Variants in MTMR9 observed in about 807,000 individuals in gnomAD.
MTMR9 encodes the protein myotubularin-related protein 9.
A neutral mutation model predicts 69.5 loss-of-function variants in MTMR9; 39 were observed. The observed-to-expected ratio is 0.56, with a 90% confidence interval of 0.43 to 0.73. The LOEUF is 0.73. Ranked by LOEUF, MTMR9 falls within the 30% of genes least tolerant of loss-of-function variation. The pLI, the probability that MTMR9 is intolerant of heterozygous loss-of-function variation, is 0.00. For synonymous variants in MTMR9, 354 were observed against 240.8 expected (o/e 1.47, Z -4.35); for missense variants, 900 against 671.2 (o/e 1.34, Z -3.77).
At chr8:11,291,249 C>A (rs908257625) in intron 1 of MTMR9, among the ~76,000 whole-genome samples, 3 of 152,100 alleles carry the variant, frequency 2.0e-5, no homozygotes, top group African/African-American at 7.2e-5. Flanking sequence ...TTATTCAGAT[C>A]TTCCTTTAAG....
intron 2 of MTMR9, among the ~76,000 whole-genome samples, chr8:11,298,549 T>C (rs916188008): frequency 1.3e-5 from 2 of 152,114 alleles, no homozygotes; most frequent in Admixed American, 6.5e-5. Context: ...CGGTCTACTA[T>C]TGAATAGTCA....
the MTMR9 span, among the ~76,000 whole-genome samples, chr8:11,339,248 T>C: frequency 3.9e-5 from 6 of 152,262 alleles, no homozygotes; most frequent in East Asian, 1.2e-3. Context: ...GCCCAGATGT[T>C]GCACCTTTAC....
At chr8:11,312,761 C>G (rs1800253817) in intron 6 of MTMR9, among the ~76,000 whole-genome samples, 1 of 152,170 alleles carries the variant, frequency 6.6e-6, no homozygotes, top group Non-Finnish European at 1.5e-5. Context: ...GAATCACTAG[C>G]TAGGGTAGCT....
At chr8:11,302,281 GAC>G (rs1799774650) in intron 3 of MTMR9, among the ~76,000 whole-genome samples, 15 of 53,868 alleles carry the variant, frequency 2.8e-4, no homozygotes, top group African/African-American at 1.1e-3. Flanking sequence ...AAAAGAGGAA[GAC>G]AAAAAAAAAA....
In MTMR9 at chr8:11,323,634, C is replaced by A. The variant is rs1439500559; in HGVS notation, c.*846C>A. ...ATAGAGTTAATTTATTATAATCAAGCTACAAATAGGTTTTCTTAAACCAGA... is the reference window on the plus strand; with the variant it reads ...ATAGAGTTAATTTATTATAATCAAGATACAAATAGGTTTTCTTAAACCAGA... On this transcript the variant is annotated 3_prime_UTR_variant, in exon 10 of 10. Coordinates refer to ENST00000221086, the MANE Select transcript of MTMR9 (RefSeq NM_015458.4). 2.0e-5 allele frequency: 3 copies of A among 152,162 alleles called. No homozygotes were observed. The highest frequency in any genetic ancestry group is 2.9e-5 in the Non-Finnish European group (2 of 68,030). 9.4% of individuals were successfully genotyped at this position (152,162 alleles called of 1,614,324 possible). A position where few individuals can be genotyped will look rare whatever the true frequency, so the allele number is the denominator to read the frequency against.
rs778821710 is a variant in MTMR9, at chr8:11,309,666, C to T, written c.949C>T (p.Leu317=). ...CAAAGAGATTCTGACAACTGCCTGCCTAGCGGCTCAGTGCATCGACAGGTA... is the reference window on the plus strand; with the variant it reads ...CAAAGAGATTCTGACAACTGCCTGCTTAGCGGCTCAGTGCATCGACAGGTA... ...HIKEILTTAC[L]AAQCIDREGA... is the part of the protein sequence containing the mutation. Residue 317 remains leucine, a synonymous_variant, in exon 6 of 10, where the codon CTA becomes TTA. Transcript: ENST00000221086. The T allele has an allele frequency of 1.9e-6, 3 of 1,613,914 alleles. No individual in the cohort carries two copies. Among genetic ancestry groups the T allele is most frequent in the South Asian group, 2.2e-5 (2 of 91,070 alleles).
At chr8:11,291,223 A>T (rs1375379322) in intron 1 of MTMR9, among the ~76,000 whole-genome samples, 1 of 152,156 alleles carries the variant, frequency 6.6e-6, no homozygotes, top group Non-Finnish European at 1.5e-5. Context: ...GACATCCATG[A>T]ACAATGTTAC....
chr8:11,314,807 A>C (rs1380136709), intron 6 of MTMR9, 116 bp from the exon 7 acceptor site: 1 of 949,710 alleles, frequency 1.1e-6, no homozygotes, highest in African/African-American at 1.6e-5. Flanking sequence ...CAATACACTA[A>C]ATAAACTGAA....
At chr8:11,321,300 G>C in intron 9 of MTMR9, 2 of 390,448 alleles carry the variant, frequency 5.1e-6, no homozygotes, top group South Asian at 3.8e-5. Flanking sequence ...TTTCGTGATT[G>C]TCGTCACAGT....
At position 11,285,669 on chromosome 8, in the gene MTMR9, A is replaced by T. The variant is rs1236981758; in HGVS notation, c.182+599A>T. Among the ~76,000 whole-genome samples, 3 of 152,154 alleles carry T rather than the reference A, an allele frequency of 2.0e-5. No homozygotes were observed. The East Asian group carries it at 5.8e-4, about 29-fold the overall frequency. Reference sequence around the variant, plus strand: ...AAGAACAGGGTTGGCTCTCAAGGAAAGGCATGGACCAGTTAACCTCTTTTT... The same window carrying T: ...AAGAACAGGGTTGGCTCTCAAGGAATGGCATGGACCAGTTAACCTCTTTTT... On this transcript the variant is annotated intron_variant, in intron 1 of 9. Transcript: ENST00000221086.
At position 11,298,720 on chromosome 8, in the gene MTMR9, A is replaced by ATG. The variant is rs1554501123; in HGVS notation, c.292-1303_292-1302insTG. On this transcript the variant is annotated intron_variant, in intron 2 of 9. Transcript: ENST00000221086. Reference sequence around the variant, plus strand: ...TGATATGGTATCCTTTCCCCGCTGCACCCCCCCCCCGCCATCCAGTATAGA... The same window carrying ATG: ...TGATATGGTATCCTTTCCCCGCTGCATGCCCCCCCCCCGCCATCCAGTATAGA... The ATG allele has an allele frequency of 1.2e-5, 9 of 728,016 alleles. No homozygotes were observed. In the Admixed American group the frequency reaches 3.8e-4, roughly 30 times the overall value. The allele number at this position is 728,016 out of a possible 1,614,324, so 45.1% of individuals were successfully genotyped here. A position where few individuals can be genotyped will look rare whatever the true frequency, so the allele number is the denominator to read the frequency against.
rs1385350289 is a variant in MTMR9, at chr8:11,316,882, T to G, written c.1323T>G (p.Asn441Lys). The change falls in exon 8 of 10, where the codon AAT (asparagine) becomes AAG (lysine). Residue 441 changes from asparagine to lysine, a missense_variant. Physicochemically the swap from Asn to Lys is moderately conservative, Grantham distance 94. Coordinates refer to ENST00000221086, the MANE Select transcript of MTMR9 (RefSeq NM_015458.4). ...AGTTTGGAACATTTCTGGGCAACAA[T>G]GAAAGTGAAAGGTGAGTACACTGCT... Reference protein sequence around the residue: ...ASQFGTFLGNNESERCKLKLQ... With the variant: ...ASQFGTFLGNKESERCKLKLQ... 1 of 1,598,016 alleles carries G rather than the reference T, an allele frequency of 6.3e-7. No individual in the cohort carries two copies. The highest frequency in any genetic ancestry group is 8.5e-7 in the Non-Finnish European group (1 of 1,172,518).
At chr8:11,319,261 CAA>C (rs1800560249) in intron 8 of MTMR9, 1 of 153,358 alleles carries the variant, frequency 6.5e-6, no homozygotes, top group Admixed American at 6.5e-5. Flanking sequence ...ACATAAATGT[CAA>C]AAAGTGTATA....
In MTMR9 at chr8:11,299,757, G is replaced by T. The variant is rs1010665329; in HGVS notation, c.292-266G>T. Among the ~76,000 whole-genome samples, 6 of 152,202 alleles carry T rather than the reference G, an allele frequency of 3.9e-5. 1 individual carries two copies. The East Asian group carries it at 1.2e-3, about 29-fold the overall frequency. On this transcript the variant is annotated intron_variant, in intron 2 of 9. Transcript: ENST00000221086. ...GTTATTTCATTTTTCTTCTAGAATTGGTATGCACATTTTTTTGTTCTTTTT... is the reference window on the plus strand; with the variant it reads ...GTTATTTCATTTTTCTTCTAGAATTTGTATGCACATTTTTTTGTTCTTTTT...
At chr8:11,300,875 G>A (rs183592709) in intron 3 of MTMR9, 1 of 152,314 alleles carries the variant, frequency 6.6e-6, no homozygotes, top group African/African-American at 2.4e-5. Context: ...AGACAATATT[G>A]TTCAGGTTAG....
chr8:11,321,041 C>T (rs1438388332), intron 9 of MTMR9: 1 of 159,182 alleles, frequency 6.3e-6, no homozygotes, highest in African/African-American at 2.4e-5. Flanking sequence ...GCTTTGGCTT[C>T]TGAGTCTGAG....
intron 6 of MTMR9, among the ~76,000 whole-genome samples, chr8:11,311,900 A>G (rs1407025359): frequency 7.2e-6 from 1 of 139,124 alleles, no homozygotes; most frequent in South Asian, 2.3e-4. Context: ...TTTTTTTGTC[A>G]TTTCAACAAT....
intron 3 of MTMR9, 89 bp downstream of exon 3, chr8:11,300,237 A>G (rs954880236): frequency 1.4e-6 from 2 of 1,452,962 alleles, no homozygotes; most frequent in African/African-American, 1.4e-5. Context: ...TTGAAGAGTA[A>G]TAAGGTGAAG....
Position 11,316,653 on chromosome 8 carries a change from C to G in MTMR9, c.1114-20C>G, listed in dbSNP as rs369626418. On this transcript the variant is annotated intron_variant, in intron 7 of 9. Transcript: ENST00000221086. ...TGATCTCACCAGGATATGACTGTCA[C>G]GCCTCCATCTTCCCCCTAGGCTGGT... The G allele has an allele frequency of 1.3e-6, 2 of 1,542,242 alleles. No individual in the cohort carries two copies. The highest frequency in any genetic ancestry group is 4.6e-5 in the East Asian group (2 of 43,202).
Sources: allele counts gnomAD v4.1 joint callset (sites outside exome capture counted in the v4.1 genomes callset), GRCh38; gene constraint gnomAD v4.1.1; transcripts MANE v1.5; gene names NCBI Gene and HGNC (gene_info 2026-07-23, HGNC 2026-07-21).